DOCK4: variants seen among roughly 807,000 people sequenced by gnomAD.
The protein encoded by DOCK4 is dedicator of cytokinesis protein 4.
A neutral mutation model predicts 268.1 loss-of-function variants in DOCK4; 97 were observed. The observed-to-expected ratio is 0.36, with a 90% CI of 0.31 to 0.43. The LOEUF is 0.43. Among genes scored for constraint, DOCK4 ranks in the 20% least tolerant of loss-of-function variants. The probability of loss-of-function intolerance (pLI) is 1.00; values close to 1 mark genes in which losing one functional copy is unlikely to be tolerated. For missense variants in DOCK4, 2,145 were observed against 2,455.7 expected (o/e 0.87, Z 2.67); for synonymous variants, 954 against 887.2 (o/e 1.08, Z -1.34).
intron 8 of DOCK4, among the ~76,000 whole-genome samples, chr7:111,970,684 G>C (rs1427792654): frequency 1.3e-5 from 2 of 152,172 alleles, no homozygotes; most frequent in African/African-American, 4.8e-5. Context: ...TGTCAAGACT[G>C]TATACACCTC....
chr7:111,933,229 C>T (rs1260237267), intron 12 of DOCK4, among the ~76,000 whole-genome samples: 6 of 134,766 alleles, frequency 4.5e-5, no homozygotes, highest in African/African-American at 1.7e-4. Flanking sequence ...TACGTATATA[C>T]ACATATATAC....
At chr7:111,947,122 G>C (rs1166969132) in intron 8 of DOCK4, among the ~76,000 whole-genome samples, 2 of 152,088 alleles carry the variant, frequency 1.3e-5, no homozygotes, top group Admixed American at 6.6e-5. Context: ...TTCAGTCTAG[G>C]GAACAAGCAG....
At chr7:112,073,696 TA>T (rs543205575) in intron 1 of DOCK4, among the ~76,000 whole-genome samples, 235 of 152,136 alleles carry the variant, frequency 1.5e-3, no homozygotes, top group African/African-American at 5.2e-3. Context: ...CTATGGGAGC[TA>T]AAAATAATTT....
At chr7:111,940,527 G>C (rs915818290) in intron 10 of DOCK4, among the ~76,000 whole-genome samples, 2 of 152,164 alleles carry the variant, frequency 1.3e-5, no homozygotes, top group Admixed American at 1.3e-4. Flanking sequence ...CCTGGCCCCT[G>C]AGATTCATGA....
At chr7:111,744,776 A>C (rs1224617517) in intron 44 of DOCK4, among the ~76,000 whole-genome samples, 2 of 152,234 alleles carry the variant, frequency 1.3e-5, no homozygotes, top group Non-Finnish European at 2.9e-5. Flanking sequence ...AGTCACATTG[A>C]GAACTTGACT....
intron 36 of DOCK4, among the ~76,000 whole-genome samples, chr7:111,776,788 A>G (rs1349644166): frequency 6.6e-6 from 1 of 152,042 alleles, no homozygotes; most frequent in Non-Finnish European, 1.5e-5. Context: ...AGACAACCAG[A>G]AAAATGTTAC....
intron 16 of DOCK4, among the ~76,000 whole-genome samples, chr7:111,880,021 G>T (rs1401532892): frequency 3.9e-5 from 6 of 152,090 alleles, no homozygotes; most frequent in Admixed American, 2.0e-4. Flanking sequence ...TTCTTTGAAG[G>T]GATAATAACA....
In DOCK4 at chr7:111,783,815, C is replaced by T. The variant is rs369369207; in HGVS notation, c.3524+42G>A. 4.0e-6 allele frequency: 6 copies of T among 1,502,742 alleles called. No individual in the cohort carries two copies. In the African/African-American group the frequency reaches 4.2e-5, roughly 10 times the overall value. 93.1% of individuals were successfully genotyped at this position (1,502,742 alleles called of 1,614,324 possible). ...TCTATTTGATTTTCTAACTGGAGTT[C>T]AGCATGAACTGGAGTTCAGAAAAAC... On this transcript the variant is annotated intron_variant, in intron 34 of 52. Coordinates refer to ENST00000428084, the MANE Select transcript of DOCK4 (RefSeq NM_001363540.2).
At chr7:112,166,970 T>A (rs1322634496) in intron 1 of DOCK4, among the ~76,000 whole-genome samples, 6 of 152,126 alleles carry the variant, frequency 3.9e-5, no homozygotes, top group Admixed American at 3.9e-4. Flanking sequence ...ATTACTTTAA[T>A]GAAACCCACT....
chr7:111,869,570 T>C lies in DOCK4; in HGVS notation c.2109+4A>G. On this transcript the variant is annotated splice_donor_region_variant and intron_variant, in intron 21 of 52. Transcript: ENST00000428084. Reference sequence around the variant, plus strand: ...CTCTGCTGTTATCAACAGCATGTTATCACCTTCAGCACCTCCTGGATATGC... The same window carrying C: ...CTCTGCTGTTATCAACAGCATGTTACCACCTTCAGCACCTCCTGGATATGC... 6.2e-7 allele frequency: 1 copy of C among 1,613,174 alleles called. No homozygotes were observed. The highest frequency in any genetic ancestry group is 8.5e-7 in the Non-Finnish European group (1 of 1,179,272).
chr7:111,944,533 A>G (rs1795463885), intron 10 of DOCK4, among the ~76,000 whole-genome samples: 1 of 152,218 alleles, frequency 6.6e-6, no homozygotes, highest in South Asian at 2.1e-4. Context: ...TTTTGAATCA[A>G]ATATGTTTAG....
chr7:111,954,407 A>C (rs1170714281), intron 8 of DOCK4, among the ~76,000 whole-genome samples: 1 of 152,142 alleles, frequency 6.6e-6, no homozygotes, highest in African/African-American at 2.4e-5. Flanking sequence ...AGGACATTCG[A>C]ATAGATGCCC....
intron 1 of DOCK4, among the ~76,000 whole-genome samples, chr7:112,128,393 G>A (rs1442822341): frequency 6.6e-6 from 1 of 152,174 alleles, no homozygotes; most frequent in East Asian, 1.9e-4. Context: ...CCCTCTGCCA[G>A]GCCACCACCC....
At chr7:112,035,267 C>T (rs1803652045) in intron 1 of DOCK4, among the ~76,000 whole-genome samples, 1 of 151,960 alleles carries the variant, frequency 6.6e-6, no homozygotes, top group Non-Finnish European at 1.5e-5. Context: ...AGAGTGGCCT[C>T]CACTATGTAT....
chr7:112,016,865 T>G (rs1213264388), intron 1 of DOCK4, among the ~76,000 whole-genome samples: 1 of 152,218 alleles, frequency 6.6e-6, no homozygotes, highest in Non-Finnish European at 1.5e-5. Flanking sequence ...TGTCCAATTT[T>G]CATACACGGC....
chr7:112,194,268 C>A (rs1820226700), intron 1 of DOCK4, among the ~76,000 whole-genome samples: 1 of 152,104 alleles, frequency 6.6e-6, no homozygotes, highest in African/African-American at 2.4e-5. Flanking sequence ...GTTTATAGAA[C>A]AAAGGAAAAG....
chr7:111,772,062 CAG>C (rs1226538733), intron 36 of DOCK4, among the ~76,000 whole-genome samples: 2 of 152,154 alleles, frequency 1.3e-5, no homozygotes, highest in Non-Finnish European at 1.5e-5. Context: ...GTCAAATTTA[CAG>C]AGACAGAAAG....
chr7:111,973,735 T>C (rs1392166856), intron 8 of DOCK4, among the ~76,000 whole-genome samples: 1 of 151,970 alleles, frequency 6.6e-6, no homozygotes, highest in Admixed American at 6.6e-5. Context: ...CAAAATAATC[T>C]GGGGGTAAAC....
At chr7:112,126,066 G>C (rs1400810583) in intron 1 of DOCK4, among the ~76,000 whole-genome samples, 2 of 152,138 alleles carry the variant, frequency 1.3e-5, no homozygotes, top group African/African-American at 4.8e-5. Context: ...CTCCCAAAAT[G>C]CTGGGATTAC....
Sources: gnomAD v4.1 joint callset for allele counts (sites outside exome capture counted in the v4.1 genomes callset) on GRCh38, gnomAD v4.1.1 for gene constraint, MANE v1.5 for transcripts, NCBI Gene and HGNC (gene_info 2026-07-23, HGNC 2026-07-21) for gene names.